The following PRDM6 variants were observed in gnomAD, a reference collection of about 807,000 sequenced individuals.
PRDM6 encodes PR/SET domain 6, also known as putative histone-lysine N-methyltransferase PRDM6.
PRDM6 carries 25 observed loss-of-function variants against 60.8 expected under a neutral mutation model. The observed-to-expected ratio is 0.41, with a 90% CI of 0.30 to 0.57. The LOEUF is 0.57. PRDM6 is among the 20% of genes least tolerant of loss of function. PRDM6 has a pLI of 0.27. For missense variants in PRDM6, 839 were observed against 821.3 expected (o/e 1.02, Z -0.26); for synonymous variants, 407 against 357.4 (o/e 1.14, Z -1.57).
At position 123,089,999 on chromosome 5, in the gene PRDM6, G is replaced by A; in HGVS notation, c.-15-1G>A. The A allele has an allele frequency of 6.5e-7, 1 of 1,542,562 alleles. No individual in the cohort carries two copies. Among genetic ancestry groups the A allele is most frequent in the Non-Finnish European group, 8.8e-7 (1 of 1,142,822 alleles). On this transcript the variant is annotated splice_acceptor_variant, in intron 1 of 7. Coordinates refer to ENST00000407847, the MANE Select transcript of PRDM6 (RefSeq NM_001136239.4). LOFTEE classifies it low-confidence loss of function (5UTR_SPLICE). ...CCCTCTTCCCTGCCCTCTGCCCCCAGTTCGAGGCGCCGGACATGCTGAAGC... is the reference window on the plus strand; with the variant it reads ...CCCTCTTCCCTGCCCTCTGCCCCCAATTCGAGGCGCCGGACATGCTGAAGC...
At chr5:123,177,303 C>G (rs925006971) in intron 6 of PRDM6, among the ~76,000 whole-genome samples, 5 of 152,124 alleles carry the variant, frequency 3.3e-5, no homozygotes, top group African/African-American at 1.2e-4. Flanking sequence ...TACAGTGTAA[C>G]TTCTGTACTT....
chr5:123,133,722 A>G (rs527572639), intron 3 of PRDM6, among the ~76,000 whole-genome samples: 8 of 152,042 alleles, frequency 5.3e-5, no homozygotes, highest in Non-Finnish European at 1.5e-5. Flanking sequence ...GGCTATTTAA[A>G]GAGTTTTGAT....
intron 4 of PRDM6, among the ~76,000 whole-genome samples, chr5:123,156,701 G>T (rs982503140): frequency 6.6e-6 from 1 of 152,182 alleles, no homozygotes; most frequent in South Asian, 2.1e-4. Context: ...CCCTTAGGGG[G>T]TCCACATAGG....
chr5:123,165,524 A>G (rs1417822561), intron 5 of PRDM6, among the ~76,000 whole-genome samples: 2 of 152,218 alleles, frequency 1.3e-5, no homozygotes, highest in Non-Finnish European at 1.5e-5. Context: ...TGGTGGCCAG[A>G]GTGAAGTTTC....
chr5:123,129,451 G>A (rs947679290), intron 3 of PRDM6, among the ~76,000 whole-genome samples: 2 of 152,138 alleles, frequency 1.3e-5, no homozygotes, highest in African/African-American at 2.4e-5. Flanking sequence ...GCAGTGATTT[G>A]TAGTTCTTCT....
intron 3 of PRDM6, among the ~76,000 whole-genome samples, chr5:123,106,870 T>C (rs1275729127): frequency 6.6e-6 from 1 of 152,250 alleles, no homozygotes; most frequent in Non-Finnish European, 1.5e-5. Flanking sequence ...ACAAAATTGA[T>C]CATTCCAGTG....
chr5:123,134,028 AG>A (rs1476586148), intron 3 of PRDM6, among the ~76,000 whole-genome samples: 1 of 152,128 alleles, frequency 6.6e-6, no homozygotes, highest in African/African-American at 2.4e-5. Context: ...AGCCAGTTAA[AG>A]ATCAGTTTAC....
intron 3 of PRDM6, among the ~76,000 whole-genome samples, chr5:123,113,147 T>G (rs1256762204): frequency 1.3e-5 from 2 of 152,188 alleles, no homozygotes; most frequent in Non-Finnish European, 2.9e-5. Flanking sequence ...GTGTGGTACA[T>G]TTGTTACAAT....
chr5:123,163,653 A>G (rs1396076179), intron 5 of PRDM6, among the ~76,000 whole-genome samples: 1 of 152,250 alleles, frequency 6.6e-6, no homozygotes, highest in African/African-American at 2.4e-5. Context: ...CTGTGTCGAC[A>G]GATCACATCC....
In PRDM6 at chr5:123,122,789, TA is replaced by T. The variant is rs199503171; in HGVS notation, c.900+22837del. Among the ~76,000 whole-genome samples, 427 of 151,620 alleles carry T rather than the reference TA, an allele frequency of 2.8e-3. 1 individual carries two copies. Among genetic ancestry groups the T allele is most frequent in the African/African-American group, 9.3e-3 (385 of 41,396 alleles). ...TTTTTTTCTTGTGGCAATAAACCTT[TA>T]AAAAAAAAGTTTAAAATCCGACTAC... On this transcript the variant is annotated intron_variant, in intron 3 of 7. Transcript: ENST00000407847.
chr5:123,179,546 A>G (rs568739615), intron 6 of PRDM6, among the ~76,000 whole-genome samples: 89 of 152,330 alleles, frequency 5.8e-4, no homozygotes, highest in Non-Finnish European at 1.1e-3. Context: ...GTTAAAACAC[A>G]CATGTAACTT....
At position 123,190,069 on chromosome 5, in the gene PRDM6, A is replaced by G. The variant is rs900803034; in HGVS notation, c.*2868A>G. The G allele has an allele frequency of 6.6e-6, 1 of 152,202 alleles. No homozygotes were observed. The highest frequency in any genetic ancestry group is 2.4e-5 in the African/African-American group (1 of 41,450). The allele number at this position is 152,202 out of a possible 1,614,324, so 9.4% of individuals were successfully genotyped here. On this transcript the variant is annotated 3_prime_UTR_variant, in exon 8 of 8. Transcript: ENST00000407847. ...ATTAGTAGTGCTATAAAGAGAGTAA[A>G]TGCTCTGAATCACTGGGGAAAGGAT...
At chr5:123,094,778 C>G (rs907765738) in intron 2 of PRDM6, among the ~76,000 whole-genome samples, 1 of 152,168 alleles carries the variant, frequency 6.6e-6, no homozygotes, top group African/African-American at 2.4e-5. Flanking sequence ...TATATGGCAG[C>G]CTCGCAGGGG....
intron 3 of PRDM6, among the ~76,000 whole-genome samples, chr5:123,133,923 A>G (rs530109965): frequency 6.6e-6 from 1 of 152,254 alleles, no homozygotes; most frequent in East Asian, 1.9e-4. Context: ...TTAAACAGAA[A>G]GAAAAGCATT....
chr5:123,179,398 A>T (rs1268617948), intron 6 of PRDM6, among the ~76,000 whole-genome samples: 1 of 152,232 alleles, frequency 6.6e-6, no homozygotes. Context: ...AGAAAGATCT[A>T]ATGGATAAAT....
At chr5:123,122,031 C>T (rs752232938) in intron 3 of PRDM6, among the ~76,000 whole-genome samples, 3 of 151,152 alleles carry the variant, frequency 2.0e-5, no homozygotes, top group Non-Finnish European at 3.0e-5. Context: ...GGCGTGGTGG[C>T]GGGCGCCTGT....
In PRDM6 at chr5:123,149,610, A is replaced by G. The variant is rs936685492; in HGVS notation, c.901-6274A>G. ...CTTTTGCATGACAAGCGACACTGCA[A>G]TGAACTAAAAACTGATTAACTTTAG... On this transcript the variant is annotated intron_variant, in intron 3 of 7. Transcript: ENST00000407847. Among the ~76,000 whole-genome samples, 12 of 152,334 alleles carry G rather than the reference A, an allele frequency of 7.9e-5. No individual in the cohort carries two copies. The East Asian group carries it at 1.7e-3, about 22-fold the overall frequency.
rs535930245 is a variant in PRDM6 at position 123,134,305 on chromosome 5, C to T, written c.901-21579C>T. Among the ~76,000 whole-genome samples the T allele has an allele frequency of 9.9e-5, 15 of 151,898 alleles. No individual in the cohort carries two copies. The South Asian group carries it at 2.9e-3, about 29-fold the overall frequency. ...AGATGTTAGCTCAAAAATGTAACAC[C>T]GAAAAGAATGTGAATGCATTAAAGG... On this transcript the variant is annotated intron_variant, in intron 3 of 7. Transcript: ENST00000407847.
intron 3 of PRDM6, among the ~76,000 whole-genome samples, chr5:123,140,977 A>G (rs1277817817): frequency 6.6e-6 from 1 of 152,034 alleles, no homozygotes; most frequent in African/African-American, 2.4e-5. Context: ...TTTTTTTTAT[A>G]AAGTCAATTA....
Sources: allele counts gnomAD v4.1 joint callset (sites outside exome capture counted in the v4.1 genomes callset), GRCh38; gene constraint gnomAD v4.1.1; transcripts MANE v1.5; gene names NCBI Gene and HGNC (gene_info 2026-07-23, HGNC 2026-07-21).